Variants in SV2C observed in about 807,000 individuals in gnomAD.
The protein encoded by SV2C is synaptic vesicle glycoprotein 2C, also known as solute carrier family 22 member B3.
A neutral mutation model predicts 79.7 loss-of-function variants in SV2C; 49 were observed. That is an observed-to-expected ratio of 0.61 (90% CI 0.49 to 0.78). The LOEUF (loss-of-function observed/expected upper bound fraction) is 0.78. SV2C is among the 30% of genes least tolerant of loss of function. The pLI is 0.00. For synonymous variants in SV2C, 334 were observed against 333.2 expected (o/e 1.00, Z -0.03); for missense variants, 833 against 912.9 (o/e 0.91, Z 1.13).
chr5:76,100,631 G>A (rs1016939470), intron 1 of SV2C, among the ~76,000 whole-genome samples: 1 of 152,190 alleles, frequency 6.6e-6, no homozygotes, highest in Admixed American at 6.5e-5. Flanking sequence ...TGAGGTGGGT[G>A]GGATCTCAAT....
the SV2C span, among the ~76,000 whole-genome samples, chr5:76,035,616 A>T: frequency 1.3e-5 from 2 of 151,542 alleles, no homozygotes; most frequent in African/African-American, 4.8e-5. Context: ...TCTGAGAGAT[A>T]GTTTTAATTT....
the SV2C span, among the ~76,000 whole-genome samples, chr5:75,879,000 C>T: frequency 1.3e-5 from 2 of 152,042 alleles, no homozygotes; most frequent in Non-Finnish European, 2.9e-5. Context: ...AGAATGGGAG[C>T]AAGAAAGAGT....
intron 1 of SV2C, among the ~76,000 whole-genome samples, chr5:76,116,756 CA>C (rs1167413216): frequency 2.0e-5 from 3 of 152,164 alleles, no homozygotes; most frequent in Non-Finnish European, 4.4e-5. Flanking sequence ...TTGCATACGA[CA>C]GTGTTGTAGC....
chr5:76,146,214 C>T (rs1173047563), intron 2 of SV2C, among the ~76,000 whole-genome samples: 1 of 152,122 alleles, frequency 6.6e-6, no homozygotes, highest in Non-Finnish European at 1.5e-5. Flanking sequence ...CAGGAAAGGT[C>T]CTGATCCAGA....
chr5:76,286,383 C>A (rs904316910), intron 6 of SV2C, among the ~76,000 whole-genome samples: 1 of 152,106 alleles, frequency 6.6e-6, no homozygotes, highest in Admixed American at 6.5e-5. Flanking sequence ...ACTCAGCCCC[C>A]ACAAAGGTGT....
At position 76,329,469 on chromosome 5, in the gene SV2C, A is replaced by T. The variant is rs959149850; in HGVS notation, c.*3922A>T. On this transcript the variant is annotated 3_prime_UTR_variant, in exon 13 of 13. Coordinates refer to ENST00000502798, the MANE Select transcript of SV2C (RefSeq NM_014979.4). The stretch of plus-strand genomic sequence containing the variant: ...GCAAATAGACAAATCTCACCAAATC[A>T]GAGTTCAGGTTTTCACCAAAAACTG... 1 of 152,232 alleles carries T rather than the reference A, an allele frequency of 6.6e-6. No homozygotes were observed. The highest frequency in any genetic ancestry group is 2.4e-5 in the African/African-American group (1 of 41,456). The allele number at this position is 152,232 out of a possible 1,614,324, so 9.4% of individuals were successfully genotyped here. A position where few individuals can be genotyped will look rare whatever the true frequency, so the allele number is the denominator to read the frequency against.
intron 12 of SV2C, among the ~76,000 whole-genome samples, chr5:76,307,173 AT>A (rs1163003763): frequency 1.3e-5 from 2 of 152,168 alleles, no homozygotes; most frequent in African/African-American, 4.8e-5. Context: ...GCCATTATTT[AT>A]TTTGTCAAAA....
At chr5:76,032,515 G>C in the SV2C span, among the ~76,000 whole-genome samples, 13 of 152,100 alleles carry the variant, frequency 8.5e-5, no homozygotes, top group African/African-American at 3.1e-4. Flanking sequence ...TTTTGTTCTT[G>C]CGATAGTTTA....
At chr5:76,084,910 C>T (rs1419278997) in intron 1 of SV2C, among the ~76,000 whole-genome samples, 1 of 151,910 alleles carries the variant, frequency 6.6e-6, no homozygotes, top group East Asian at 1.9e-4. Context: ...CGCAGTGCGC[C>T]GCAGTGCCGG....
chr5:76,052,403 C>A, the SV2C span, among the ~76,000 whole-genome samples: 15 of 152,236 alleles, frequency 9.9e-5, no homozygotes, highest in Admixed American at 3.9e-4. Context: ...AACAGAGAGA[C>A]AAATAAAGAA....
the SV2C span, among the ~76,000 whole-genome samples, chr5:76,071,672 G>C: frequency 6.6e-6 from 1 of 152,280 alleles, no homozygotes; most frequent in Admixed American, 6.5e-5. Flanking sequence ...AAAAATAGAA[G>C]TGAACCTAAC....
intron 2 of SV2C, among the ~76,000 whole-genome samples, chr5:76,141,635 C>G (rs12521923): frequency 0.039 from 5,919 of 151,730 alleles, 510 homozygotes; most frequent in East Asian, 0.33. Context: ...ACCAGCCTGG[C>G]CAACATGGTG....
the SV2C span, among the ~76,000 whole-genome samples, chr5:75,903,126 G>A: frequency 4.6e-5 from 7 of 152,264 alleles, no homozygotes; most frequent in African/African-American, 1.7e-4. Context: ...AAGAGAACTA[G>A]GATTTAAATA....
intron 12 of SV2C, among the ~76,000 whole-genome samples, chr5:76,312,760 A>C (rs1748494385): frequency 6.6e-6 from 1 of 152,036 alleles, no homozygotes; most frequent in Non-Finnish European, 1.5e-5. Flanking sequence ...ATGCCCCCTT[A>C]TGCATGCACA....
the SV2C span, among the ~76,000 whole-genome samples, chr5:75,877,950 AAAAAC>A: frequency 0.089 from 13,453 of 151,138 alleles, 623 homozygotes; most frequent in African/African-American, 0.12. Flanking sequence ...GAAAAAAAAA[AAAAAC>A]AAGTTTCTCT....
At chr5:75,854,335 A>C in the SV2C span, among the ~76,000 whole-genome samples, 2 of 152,208 alleles carry the variant, frequency 1.3e-5, no homozygotes, top group Non-Finnish European at 2.9e-5. Flanking sequence ...ATTCATGTAC[A>C]AGTCATTTTG....
At chr5:76,217,363 C>G (rs992847235) in intron 4 of SV2C, among the ~76,000 whole-genome samples, 1 of 152,204 alleles carries the variant, frequency 6.6e-6, no homozygotes, top group Non-Finnish European at 1.5e-5. Context: ...GATTCCTCAA[C>G]CAGACAGATA....
chr5:75,874,092 G>T, the SV2C span, among the ~76,000 whole-genome samples: 2,137 of 152,052 alleles, frequency 0.014, 43 homozygotes, highest in African/African-American at 0.047. Flanking sequence ...ACCTGGCAGA[G>T]ATACAACAAA....
At chr5:76,167,615 T>A (rs1284711458) in intron 2 of SV2C, among the ~76,000 whole-genome samples, 1 of 152,238 alleles carries the variant, frequency 6.6e-6, no homozygotes, top group Non-Finnish European at 1.5e-5. Flanking sequence ...ATGAGAACTC[T>A]ATGAAGAAAG....
Sources: gnomAD v4.1 joint callset for allele counts (sites outside exome capture counted in the v4.1 genomes callset) on GRCh38, gnomAD v4.1.1 for gene constraint, MANE v1.5 for transcripts, NCBI Gene and HGNC (gene_info 2026-07-23, HGNC 2026-07-21) for gene names.